MYCBP2: variants seen among roughly 807,000 people sequenced by gnomAD.
The protein encoded by MYCBP2 is MYC binding protein 2.
In MYCBP2, 120 loss-of-function variants were observed where a neutral mutation model predicts 525.3. That is an observed-to-expected ratio of 0.23 (90% confidence interval 0.20 to 0.27). The LOEUF is 0.27. Among genes scored for constraint, MYCBP2 ranks in the 10% least tolerant of loss-of-function variants. The pLI is 1.00. For missense variants in MYCBP2, 4,149 were observed against 5,657.1 expected (o/e 0.73, Z 8.55); for synonymous variants, 1,894 against 1,955.8 (o/e 0.97, Z 0.83).
intron 80 of MYCBP2, among the ~76,000 whole-genome samples, chr13:77,054,191 G>A (rs2037393546): frequency 6.6e-6 from 1 of 152,150 alleles, no homozygotes; most frequent in Non-Finnish European, 1.5e-5. Context: ...GGGAGGTAGA[G>A]AAGAGCATCC....
At chr13:77,072,695 C>T (rs1380825232) in intron 68 of MYCBP2, among the ~76,000 whole-genome samples, 2 of 152,108 alleles carry the variant, frequency 1.3e-5, no homozygotes, top group African/African-American at 4.8e-5. Flanking sequence ...CACATCACTA[C>T]AGGTTCTACA....
intron 52 of MYCBP2, among the ~76,000 whole-genome samples, chr13:77,135,829 TTA>T (rs1266125743): frequency 6.6e-6 from 1 of 152,098 alleles, no homozygotes; most frequent in African/African-American, 2.4e-5. Context: ...CACATTGTTT[TTA>T]TCTTTTTTTT....
chr13:77,298,344 C>T (rs1442513789), intron 1 of MYCBP2, among the ~76,000 whole-genome samples: 1 of 152,182 alleles, frequency 6.6e-6, no homozygotes, highest in Non-Finnish European at 1.5e-5. Context: ...CTAATATACA[C>T]TCTCATTCAT....
intron 1 of MYCBP2, 55 bp from the exon 2 acceptor site, chr13:77,296,729 C>G (rs908055226): frequency 8.4e-7 from 1 of 1,187,884 alleles, no homozygotes; most frequent in African/African-American, 1.6e-5. Flanking sequence ...TTAGGACATA[C>G]AAAGCTATCA....
In MYCBP2 at chr13:77,270,357, AG is replaced by A; in HGVS notation, c.1126del (p.Leu376PhefsTer12). On this transcript the variant is annotated frameshift_variant, in exon 6 of 83. Transcript: ENST00000544440. LOFTEE classifies it high-confidence loss of function. Reference sequence around the variant, plus strand: ...TAATCCATCCTTGCATAATAGATAAAGAAAAAATCCATCATTCTGAAGTAGA... The same window carrying A: ...TAATCCATCCTTGCATAATAGATAAAAAAAAATCCATCATTCTGAAGTAGA... ...QCLLQNDGFFLYLLCKDGLYK... is the reference protein window; with the variant it reads ...QCLLQNDGFFXYLLCKDGLYK... 1 of 1,613,730 alleles carries A rather than the reference AG, an allele frequency of 6.2e-7. No individual in the cohort carries two copies. Among genetic ancestry groups the A allele is most frequent in the Non-Finnish European group, 8.5e-7 (1 of 1,179,790 alleles).
At chr13:77,096,237 G>GT (rs1417438122) in intron 57 of MYCBP2, 75 bp downstream of exon 57, 2 of 1,373,960 alleles carry the variant, frequency 1.5e-6, no homozygotes, top group Non-Finnish European at 9.9e-7. Flanking sequence ...ATCTGATGTA[G>GT]TAAGATTATA....
Position 77,294,104 on chromosome 13 carries a change from C to CTATATATATATATATA in MYCBP2, c.378+2479_378+2494dup, listed in dbSNP as rs1197370334. 9.3e-3 allele frequency among the ~76,000 whole-genome samples: 390 copies of CTATATATATATATATA among 41,804 alleles called. 17 individuals carry two copies. The highest frequency in any genetic ancestry group is 0.032 in the Middle Eastern group (2 of 62). 27.4% of individuals were successfully genotyped at this position (41,804 alleles called of 152,430 possible). ...GATAGCCATAAAGTAGATATAATGG[C>CTATATATATATATATA]TATATATATATATATATATATATAT... is the stretch of plus-strand genomic sequence containing the variant. On this transcript the variant is annotated intron_variant, in intron 2 of 82. Coordinates refer to ENST00000544440, the MANE Select transcript of MYCBP2 (RefSeq NM_015057.5).
chr13:77,228,075 G>A (rs2154298163), intron 18 of MYCBP2, among the ~76,000 whole-genome samples: 1 of 151,938 alleles, frequency 6.6e-6, no homozygotes, highest in South Asian at 2.1e-4. Context: ...ATCTGTATAT[G>A]GTATTTGATA....
intron 46 of MYCBP2, 151 bp downstream of exon 46, chr13:77,155,907 T>C (rs1168799672): frequency 9.8e-6 from 7 of 712,818 alleles, no homozygotes; most frequent in Non-Finnish European, 1.1e-5. Flanking sequence ...GACTAATTAA[T>C]ATAAACAAGT....
At position 77,068,805 on chromosome 13, in the gene MYCBP2, A is replaced by G. The variant is rs2040614499; in HGVS notation, c.11931T>C (p.Ile3977=). 6.2e-7 allele frequency: 1 copy of G among 1,614,000 alleles called. No individual in the cohort carries two copies. Among genetic ancestry groups the G allele is most frequent in the Non-Finnish European group, 8.5e-7 (1 of 1,180,044 alleles). ...KQVCAHIVQA[I]RMEATRVREE... ...CACGGACTCTGGTAGCTTCCATGCGAATAGCTTGGACAATATGAGCACACA... is the reference window on the plus strand; with the variant it reads ...CACGGACTCTGGTAGCTTCCATGCGGATAGCTTGGACAATATGAGCACACA... Residue 3977 remains isoleucine, a synonymous_variant, in exon 70 of 83, where the codon ATT becomes ATC. Coordinates refer to ENST00000544440, the MANE Select transcript of MYCBP2 (RefSeq NM_015057.5).
chr13:77,049,790 C>A lies in MYCBP2; in HGVS notation c.13921+1207G>T, dbSNP rs116847421. 3.3e-5 allele frequency among the ~76,000 whole-genome samples: 5 copies of A among 152,140 alleles called. No individual in the cohort carries two copies. The South Asian group carries it at 8.3e-4, about 25-fold the overall frequency. On this transcript the variant is annotated intron_variant, in intron 82 of 82. Transcript: ENST00000544440. ...AGCTCGGATTACAGGTACCCGCCACCATGCCTGGCTAATTTTTGTACATTT... is the reference window on the plus strand; with the variant it reads ...AGCTCGGATTACAGGTACCCGCCACAATGCCTGGCTAATTTTTGTACATTT...
At chr13:77,298,380 C>T (rs2078419403) in intron 1 of MYCBP2, among the ~76,000 whole-genome samples, 1 of 152,138 alleles carries the variant, frequency 6.6e-6, no homozygotes, top group African/African-American at 2.4e-5. Flanking sequence ...CATTGTACAG[C>T]CAATAACTGT....
chr13:77,299,447 G>A (rs2078540531), intron 1 of MYCBP2, among the ~76,000 whole-genome samples: 2 of 152,022 alleles, frequency 1.3e-5, no homozygotes, highest in South Asian at 4.1e-4. Flanking sequence ...GTTTTTTGTT[G>A]TTGTTGTTGA....
chr13:77,162,422 T>C (rs546351708), intron 43 of MYCBP2, among the ~76,000 whole-genome samples: 4 of 152,310 alleles, frequency 2.6e-5, no homozygotes, highest in African/African-American at 9.6e-5. Context: ...ATAGAACATA[T>C]TTTATTTATT....
intron 21 of MYCBP2, among the ~76,000 whole-genome samples, chr13:77,213,944 A>G (rs1008574222): frequency 6.6e-6 from 1 of 152,268 alleles, no homozygotes; most frequent in Non-Finnish European, 1.5e-5. Context: ...AAACCTGAGC[A>G]TGTGCAAAGC....
chr13:77,068,977 T>C, intron 69 of MYCBP2, 146 bp from the exon 70 acceptor site: 1 of 793,742 alleles, frequency 1.3e-6, no homozygotes, highest in Non-Finnish European at 2.0e-6. Flanking sequence ...CTCCATCATA[T>C]GTCATTCTCT....
chr13:77,068,837 T>A lies in MYCBP2; in HGVS notation c.11905-6A>T, dbSNP rs1337009564. 2 of 1,612,506 alleles carry A rather than the reference T, an allele frequency of 1.2e-6. No individual in the cohort carries two copies. The highest frequency in any genetic ancestry group is 2.7e-5 in the African/African-American group (2 of 74,900). On this transcript the variant is annotated splice_region_variant and splice_polypyrimidine_tract_variant and intron_variant, in intron 69 of 82. Coordinates refer to ENST00000544440, the MANE Select transcript of MYCBP2 (RefSeq NM_015057.5). ...TGGACAATATGAGCACACACCTATT[T>A]AAAGTTAACACAGAACATGTAAAAA...
intron 26 of MYCBP2, among the ~76,000 whole-genome samples, chr13:77,202,325 T>C (rs186125145): frequency 2.4e-4 from 36 of 151,948 alleles, no homozygotes; most frequent in Admixed American, 1.9e-3. Context: ...ACACATACAC[T>C]CTCCCAAGAC....
chr13:77,157,146 C>T (rs149877885), intron 45 of MYCBP2, among the ~76,000 whole-genome samples: 32 of 152,216 alleles, frequency 2.1e-4, no homozygotes, highest in Admixed American at 5.9e-4. Context: ...GTTGCAGTGG[C>T]ACAATCACAG....
Sources: gnomAD v4.1 joint callset for allele counts (sites outside exome capture counted in the v4.1 genomes callset) on GRCh38, gnomAD v4.1.1 for gene constraint, MANE v1.5 for transcripts, NCBI Gene and HGNC (gene_info 2026-07-23, HGNC 2026-07-21) for gene names.